Variants in ZNF385D observed in about 807,000 individuals in gnomAD.
ZNF385D encodes zinc finger protein 385D.
In ZNF385D, 15 loss-of-function variants were observed where a neutral mutation model predicts 35.8. The observed-to-expected ratio is 0.42, with a 90% CI of 0.28 to 0.64. The LOEUF (loss-of-function observed/expected upper bound fraction) is 0.64. Among genes scored for constraint, ZNF385D ranks in the 30% least tolerant of loss-of-function variants. The probability of loss-of-function intolerance (pLI) is 0.23; values close to 1 mark genes in which losing one functional copy is unlikely to be tolerated. For synonymous variants in ZNF385D, 212 were observed against 186.8 expected, an observed-to-expected ratio of 1.13 and a Z score of -1.10; for missense variants, 474 against 494.6, an observed-to-expected ratio of 0.96 and a Z score of 0.39.
At chr3:21,899,882 T>G (rs1037267827) in intron 3 of ZNF385D, among the ~76,000 whole-genome samples, 1 of 152,136 alleles carries the variant, frequency 6.6e-6, no homozygotes, top group African/African-American at 2.4e-5. Flanking sequence ...GCTTAAGATA[T>G]AGTAAAAATG....
At chr3:21,647,675 G>C (rs1012595543) in intron 2 of ZNF385D, among the ~76,000 whole-genome samples, 3 of 152,102 alleles carry the variant, frequency 2.0e-5, no homozygotes, top group African/African-American at 4.8e-5. Context: ...GGTAAAATAT[G>C]TTTCTCCCTT....
intron 3 of ZNF385D, among the ~76,000 whole-genome samples, chr3:22,006,964 A>C (rs1696249898): frequency 6.6e-6 from 1 of 152,074 alleles, no homozygotes. Flanking sequence ...TTTAATATAG[A>C]CATCAAGGCC....
chr3:22,369,523 T>C (rs979210387), intron 2 of ZNF385D, among the ~76,000 whole-genome samples: 3 of 152,170 alleles, frequency 2.0e-5, no homozygotes, highest in Admixed American at 6.5e-5. Flanking sequence ...CATGTAGATT[T>C]ATTGGAAACA....
At chr3:22,050,540 A>T (rs1007227896) in intron 3 of ZNF385D, among the ~76,000 whole-genome samples, 6 of 152,168 alleles carry the variant, frequency 3.9e-5, no homozygotes, top group African/African-American at 1.2e-4. Context: ...GTCTGTTAAG[A>T]TTTTCTATTT....
intron 3 of ZNF385D, among the ~76,000 whole-genome samples, chr3:21,981,220 C>A (rs1467746459): frequency 6.6e-6 from 1 of 152,170 alleles, no homozygotes; most frequent in Admixed American, 6.6e-5. Flanking sequence ...TGCAACCTCA[C>A]AAGCATCTGT....
chr3:22,107,803 G>A (rs547963172), intron 3 of ZNF385D, among the ~76,000 whole-genome samples: 3 of 151,852 alleles, frequency 2.0e-5, no homozygotes, highest in African/African-American at 4.8e-5. Context: ...TATTAATAGT[G>A]CTTGTTTATG....
At chr3:21,869,075 T>C (rs1247992052) in intron 3 of ZNF385D, among the ~76,000 whole-genome samples, 2 of 152,092 alleles carry the variant, frequency 1.3e-5, no homozygotes, top group Non-Finnish European at 2.9e-5. Flanking sequence ...CAGCGTCGGT[T>C]TTCCCTTCTA....
At chr3:21,937,353 CAAT>C (rs1239665902) in intron 3 of ZNF385D, among the ~76,000 whole-genome samples, 11 of 152,150 alleles carry the variant, frequency 7.2e-5, no homozygotes, top group Admixed American at 5.9e-4. Context: ...CTTCGGAGAA[CAAT>C]AATGCCAATG....
Position 22,207,628 on chromosome 3 carries a change from G to C in ZNF385D, c.107-38593C>G, listed in dbSNP as rs544588343. 4.6e-5 allele frequency among the ~76,000 whole-genome samples: 7 copies of C among 151,978 alleles called. No homozygotes were observed. In the South Asian group the frequency reaches 1.2e-3, roughly 27 times the overall value. ...GTTAACAAGCTTCTGCACAGCAAAT[G>C]AAACAATCAACAAAGTGAAGAGACA... On this transcript the variant is annotated intron_variant, in intron 2 of 5. Coordinates refer to the ZNF385D transcript ENST00000494108.
At chr3:21,878,802 G>T (rs1575824493) in intron 3 of ZNF385D, among the ~76,000 whole-genome samples, 1 of 152,076 alleles carries the variant, frequency 6.6e-6, no homozygotes, top group East Asian at 1.9e-4. Context: ...ATAGCATTTT[G>T]TTACTAAGAT....
chr3:21,681,270 G>C (rs1266564855), intron 1 of ZNF385D, among the ~76,000 whole-genome samples: 1 of 83,658 alleles, frequency 1.2e-5, no homozygotes, highest in African/African-American at 4.7e-5. Context: ...CATAGATTCA[G>C]AAAGCCTATG....
chr3:21,785,075 G>A (rs112414814), intron 3 of ZNF385D, among the ~76,000 whole-genome samples: 1,813 of 152,134 alleles, frequency 0.012, 26 homozygotes, highest in African/African-American at 0.041. Flanking sequence ...TCACAGTGGC[G>A]TCACCCCTGG....
At chr3:22,050,185 G>A (rs1699260257) in intron 3 of ZNF385D, among the ~76,000 whole-genome samples, 1 of 151,306 alleles carries the variant, frequency 6.6e-6, no homozygotes, top group African/African-American at 2.4e-5. Flanking sequence ...GGGCAAAAAA[G>A]GAAGATTGGG....
chr3:21,832,159 A>G (rs1053895207), intron 3 of ZNF385D, among the ~76,000 whole-genome samples: 12 of 152,162 alleles, frequency 7.9e-5, no homozygotes, highest in African/African-American at 2.7e-4. Context: ...AAATTTTACA[A>G]TACTCACTAT....
chr3:21,656,975 G>T (rs1347004345), intron 2 of ZNF385D, among the ~76,000 whole-genome samples: 1 of 151,816 alleles, frequency 6.6e-6, no homozygotes, highest in East Asian at 1.9e-4. Flanking sequence ...GAAACTCACA[G>T]TAGGAAACAG....
rs112076960 is a variant in ZNF385D at position 21,435,600 on chromosome 3, G to C, written c.673+1370C>G. Among the ~76,000 whole-genome samples the C allele has an allele frequency of 1.8e-3, 268 of 152,202 alleles. 1 individual carries two copies. The highest frequency in any genetic ancestry group is 6.8e-3 in the Middle Eastern group (2 of 294). On this transcript the variant is annotated intron_variant, in intron 5 of 7. Coordinates refer to ENST00000281523, the MANE Select transcript of ZNF385D (RefSeq NM_024697.3). ...ATAAACTCTAGTCTCAAAGGACATG[G>C]TGTGTTTATCTGTCAAGATTGATGC...
chr3:22,219,436 T>C (rs552275477), intron 2 of ZNF385D, among the ~76,000 whole-genome samples: 1 of 152,276 alleles, frequency 6.6e-6, no homozygotes, highest in East Asian at 1.9e-4. Context: ...TTGTGCCCTG[T>C]CACCATATAT....
intron 2 of ZNF385D, among the ~76,000 whole-genome samples, chr3:22,196,669 C>G (rs1438334049): frequency 1.3e-5 from 2 of 151,992 alleles, no homozygotes; most frequent in Non-Finnish European, 2.9e-5. Context: ...CAGAACCTTT[C>G]AACACTTTGA....
intron 3 of ZNF385D, among the ~76,000 whole-genome samples, chr3:21,790,618 G>T (rs940126417): frequency 2.0e-5 from 3 of 152,064 alleles, no homozygotes; most frequent in African/African-American, 7.2e-5. Context: ...GAAGGGGAGG[G>T]TGAGCATCTG....
Sources: gnomAD v4.1 joint callset for allele counts (sites outside exome capture counted in the v4.1 genomes callset) on GRCh38, gnomAD v4.1.1 for gene constraint, MANE v1.5 for transcripts, NCBI Gene and HGNC (gene_info 2026-07-23, HGNC 2026-07-21) for gene names.